The following TRPM3 variants were observed in gnomAD, a reference collection of about 807,000 sequenced individuals.
TRPM3 encodes transient receptor potential cation channel subfamily M member 3, also known as long transient receptor potential channel 3.
TRPM3 carries 77 observed loss-of-function variants against 181.2 expected under a neutral mutation model. The observed-to-expected ratio is 0.42, with a 90% CI of 0.35 to 0.51. The LOEUF is 0.51. Ranked by LOEUF, TRPM3 falls within the 20% of genes least tolerant of loss-of-function variation. The pLI is 0.01. For missense variants in TRPM3, 1,759 were observed against 2,196.7 expected (o/e 0.80, Z 3.98); for synonymous variants, 745 against 796.4 (o/e 0.94, Z 1.09).
chr9:70,605,938 ACTTAAGTAACTC>A (rs1392759671), intron 19 of TRPM3, among the ~76,000 whole-genome samples: 2 of 152,312 alleles, frequency 1.3e-5, no homozygotes, highest in East Asian at 3.9e-4. Flanking sequence ...GCATTTTAAT[ACTTAAGTAACTC>A]CTTAAACCTA....
chr9:71,113,966 C>T (rs1438274232), intron 1 of TRPM3, among the ~76,000 whole-genome samples: 1 of 152,202 alleles, frequency 6.6e-6, no homozygotes, highest in African/African-American at 2.4e-5. Context: ...TGTGAAGTTA[C>T]TGTCATCTGA....
intron 18 of TRPM3, among the ~76,000 whole-genome samples, chr9:70,611,113 T>TATCA (rs1157347354): frequency 5.3e-5 from 8 of 152,328 alleles, no homozygotes; most frequent in East Asian, 1.9e-4. Flanking sequence ...TCTTTCTATA[T>TATCA]ATCATGAAAC....
chr9:71,170,539 CAGA>C (rs1167715841), intron 1 of TRPM3, among the ~76,000 whole-genome samples: 1 of 152,174 alleles, frequency 6.6e-6, no homozygotes, highest in African/African-American at 2.4e-5. Context: ...GAAGCCATGG[CAGA>C]AGAAGATTGT....
At chr9:70,779,601 A>C (rs1239978215) in intron 7 of TRPM3, among the ~76,000 whole-genome samples, 2 of 152,154 alleles carry the variant, frequency 1.3e-5, no homozygotes, top group African/African-American at 4.8e-5. Flanking sequence ...TCAGGAGTCT[A>C]CATCCTGAAA....
chr9:71,402,233 T>C (rs770572511), intron 1 of TRPM3, among the ~76,000 whole-genome samples: 7 of 152,222 alleles, frequency 4.6e-5, no homozygotes, highest in Non-Finnish European at 1.0e-4. Flanking sequence ...TCTAGACAAT[T>C]TAATGAACAA....
chr9:70,771,060 G>C (rs1180222748), intron 7 of TRPM3, among the ~76,000 whole-genome samples: 2 of 152,166 alleles, frequency 1.3e-5, no homozygotes, highest in East Asian at 1.9e-4. Flanking sequence ...TTCATCAAAA[G>C]TCATGCAAAC....
Position 70,535,768 on chromosome 9 carries a change from T to G in TRPM3, c.*185A>C, listed in dbSNP as rs1366386971. ...TAAATCCCCTGTGTCTGGCACTGGG[T>G]CAGATCAAATGCTTTCTTGATCTGT... is the stretch of plus-strand genomic sequence containing the variant. On this transcript the variant is annotated 3_prime_UTR_variant, in exon 26 of 26. Transcript: ENST00000677713. 1.4e-6 allele frequency: 2 copies of G among 1,471,360 alleles called. No individual in the cohort carries two copies. The highest frequency in any genetic ancestry group is 1.8e-6 in the Non-Finnish European group (2 of 1,120,178). 91.1% of individuals were successfully genotyped at this position (1,471,360 alleles called of 1,614,324 possible). A position where few individuals can be genotyped will look rare whatever the true frequency, so the allele number is the denominator to read the frequency against.
chr9:71,029,750 G>T (rs902417737), intron 1 of TRPM3, among the ~76,000 whole-genome samples: 6 of 152,072 alleles, frequency 3.9e-5, no homozygotes, highest in African/African-American at 1.2e-4. Context: ...ACTGTATCAA[G>T]TTTTTTGGGT....
rs1351212391 is a variant in TRPM3, at chr9:71,040,693, G to A, written c.177+80485C>T. ...CAGAGAAGAACAGAAGACAAATCTA[G>A]CAAGCATCACCTCAACTTAGGGATG... On this transcript the variant is annotated intron_variant, in intron 1 of 25. Coordinates refer to ENST00000677713, the MANE Select transcript of TRPM3 (RefSeq NM_001366145.2). Among the ~76,000 whole-genome samples the A allele has an allele frequency of 2.0e-5, 3 of 152,242 alleles. No homozygotes were observed. In the East Asian group the frequency reaches 5.8e-4, roughly 29 times the overall value.
At chr9:70,892,340 C>T (rs79040979) in intron 1 of TRPM3, among the ~76,000 whole-genome samples, 48 of 152,052 alleles carry the variant, frequency 3.2e-4, no homozygotes, top group Middle Eastern at 6.8e-3. Context: ...TCTGTAAATT[C>T]GTAGAAATAC....
chr9:71,096,581 C>CACAG (rs67793085), intron 1 of TRPM3, among the ~76,000 whole-genome samples: 1 of 116,260 alleles, frequency 8.6e-6, no homozygotes, highest in Non-Finnish European at 1.9e-5. Flanking sequence ...CACACACACA[C>CACAG]ACACACACAC....
rs2052421976 is a variant in TRPM3 at position 70,571,649 on chromosome 9, C to T, written c.3224-18339G>A. Among the ~76,000 whole-genome samples, 3 of 152,066 alleles carry T rather than the reference C, an allele frequency of 2.0e-5. No homozygotes were observed. In the South Asian group the frequency reaches 6.2e-4, roughly 32 times the overall value. On this transcript the variant is annotated intron_variant, in intron 22 of 25. Coordinates refer to ENST00000677713, the MANE Select transcript of TRPM3 (RefSeq NM_001366145.2). Reference sequence around the variant, plus strand: ...TATTCTCTGTGCCTCATTTTCCTTGCCCATTAAACATAGGGGCAACAATCC... The same window carrying T: ...TATTCTCTGTGCCTCATTTTCCTTGTCCATTAAACATAGGGGCAACAATCC...
chr9:71,442,715 A>T (rs2094150952), intron 1 of TRPM3, among the ~76,000 whole-genome samples: 1 of 152,176 alleles, frequency 6.6e-6, no homozygotes, highest in Admixed American at 6.5e-5. Flanking sequence ...ATAATGCTGG[A>T]TTTTTTTCTT....
In TRPM3 at chr9:71,421,001, GAGAGAAAA is replaced by G. The variant is rs1554658590; in HGVS notation, c.183+25644_183+25651del. Among the ~76,000 whole-genome samples, 115 of 122,908 alleles carry G rather than the reference GAGAGAAAA, an allele frequency of 9.4e-4. 1 individual carries two copies. Among genetic ancestry groups the G allele is most frequent in the Middle Eastern group, 4.3e-3 (1 of 232 alleles). 80.6% of individuals were successfully genotyped at this position (122,908 alleles called of 152,430 possible). ...AGAGAGAGAAAAAGAGAGAGAAAAA[GAGAGAAAA>G]AGAGAGAAAAAGAGAGAAAAAGAAA... is the stretch of plus-strand genomic sequence containing the variant. On this transcript the variant is annotated intron_variant, in intron 1 of 24. Transcript: ENST00000357533.
intron 1 of TRPM3, among the ~76,000 whole-genome samples, chr9:71,138,149 C>G (rs996654396): frequency 6.6e-6 from 1 of 151,902 alleles, no homozygotes; most frequent in African/African-American, 2.4e-5. Flanking sequence ...GACGATGCTG[C>G]CTTGGGGGAG....
At chr9:70,556,883 T>C (rs2047848237) in intron 22 of TRPM3, among the ~76,000 whole-genome samples, 1 of 152,218 alleles carries the variant, frequency 6.6e-6, no homozygotes, top group Non-Finnish European at 1.5e-5. Flanking sequence ...AGATAATGCA[T>C]GCAAAGTATG....
At chr9:71,445,705 C>A (rs574588075) in intron 1 of TRPM3, among the ~76,000 whole-genome samples, 1 of 152,256 alleles carries the variant, frequency 6.6e-6, no homozygotes, top group South Asian at 2.1e-4. Flanking sequence ...TGCTTATGTA[C>A]CATTCTCTCT....
At chr9:71,365,530 C>G (rs973871515) in intron 1 of TRPM3, among the ~76,000 whole-genome samples, 3 of 152,066 alleles carry the variant, frequency 2.0e-5, no homozygotes, top group African/African-American at 7.2e-5. Flanking sequence ...TAGTAACATA[C>G]GGATTATGAT....
At chr9:71,271,888 A>G (rs2094170517) in intron 1 of TRPM3, among the ~76,000 whole-genome samples, 1 of 152,196 alleles carries the variant, frequency 6.6e-6, no homozygotes, top group African/African-American at 2.4e-5. Context: ...GAAGAGAAAA[A>G]AAGATAAAGA....
Sources: allele counts gnomAD v4.1 joint callset (sites outside exome capture counted in the v4.1 genomes callset), GRCh38; gene constraint gnomAD v4.1.1; transcripts MANE v1.5; gene names NCBI Gene and HGNC (gene_info 2026-07-23, HGNC 2026-07-21).